The following MEF2C variants were observed in gnomAD, a reference collection of about 807,000 sequenced individuals.
MEF2C encodes the protein myocyte enhancer factor 2C, also known as myocyte-specific enhancer factor 2C.
A neutral mutation model predicts 50.5 loss-of-function variants in MEF2C; 6 were observed. That is an observed-to-expected ratio of 0.12 (90% CI 0.07 to 0.23). The LOEUF is 0.23. Ranked by LOEUF, MEF2C falls within the 10% of genes least tolerant of loss-of-function variation. The pLI is 1.00. For synonymous variants in MEF2C, 183 were observed against 228.0 expected (o/e 0.80, Z 1.78); for missense variants, 276 against 605.0 (o/e 0.46, Z 5.70).
intron 1 of MEF2C, among the ~76,000 whole-genome samples, chr5:88,857,058 G>A (rs1438614737): frequency 6.6e-6 from 1 of 152,200 alleles, no homozygotes; most frequent in Non-Finnish European, 1.5e-5. Context: ...GGATTGGGGG[G>A]CTGGGGGGCT....
At position 88,730,362 on chromosome 5, in the gene MEF2C, A is replaced by G. The variant is rs148472701; in HGVS notation, c.811-128T>C. 4.1e-3 allele frequency: 4,094 copies of G among 991,820 alleles called. 10 individuals carry two copies. The highest frequency in any genetic ancestry group is 5.4e-3 in the Non-Finnish European group (3,497 of 646,018). The allele number at this position is 991,820 out of a possible 1,614,324, so 61.4% of individuals were successfully genotyped here. On this transcript the variant is annotated intron_variant, in intron 7 of 10. Transcript: ENST00000504921. ...CAGTTTAAACAGTTTTAAAACCCAG[A>G]CTCCAAAGATAACTCCTTACAAAGA...
chr5:88,738,889 T>A, intron 6 of MEF2C: 1 of 985,280 alleles, frequency 1.0e-6, no homozygotes, highest in Non-Finnish European at 1.2e-6. Context: ...TAAATAAATA[T>A]TTACAAGTAG....
intron 3 of MEF2C, among the ~76,000 whole-genome samples, chr5:88,779,573 A>G (rs1786688933): frequency 1.3e-5 from 2 of 149,832 alleles, no homozygotes; most frequent in Non-Finnish European, 3.0e-5. Context: ...CTGCATGTAT[A>G]TGTGAATATA....
chr5:88,740,444 A>G (rs1487151337), intron 6 of MEF2C: 2 of 985,068 alleles, frequency 2.0e-6, no homozygotes, highest in Non-Finnish European at 2.4e-6. Context: ...ATTTGTCCTA[A>G]CTGTCATGCG....
chr5:88,862,714 G>A (rs1481961080), intron 1 of MEF2C, among the ~76,000 whole-genome samples: 1 of 152,136 alleles, frequency 6.6e-6, no homozygotes, highest in Non-Finnish European at 1.5e-5. Flanking sequence ...TGGGTTGCAG[G>A]GGAGGACCCG....
intron 1 of MEF2C, among the ~76,000 whole-genome samples, chr5:88,873,708 A>ATTTTTTTTTTTTT (rs199642010): frequency 1.1e-5 from 1 of 93,810 alleles, no homozygotes; most frequent in African/African-American, 4.4e-5. Flanking sequence ...GTCGTCACGG[A>ATTTTTTTTTTTTT]TTTTTTTTTT....
chr5:88,765,736 T>C (rs1779765745), intron 3 of MEF2C, among the ~76,000 whole-genome samples: 1 of 152,220 alleles, frequency 6.6e-6, no homozygotes, highest in Non-Finnish European at 1.5e-5. Context: ...ATGTATATAC[T>C]GTCTCTCAGC....
At chr5:88,851,395 T>TG (rs1281771189) in intron 1 of MEF2C, among the ~76,000 whole-genome samples, 2 of 152,112 alleles carry the variant, frequency 1.3e-5, no homozygotes, top group African/African-American at 4.8e-5. Context: ...TTCAACTGCA[T>TG]GGGGGGTCAG....
At chr5:88,853,099 T>C (rs1821990911) in intron 1 of MEF2C, among the ~76,000 whole-genome samples, 2 of 152,106 alleles carry the variant, frequency 1.3e-5, no homozygotes, top group Admixed American at 1.3e-4. Context: ...TGGCCTGTGC[T>C]TGTAGTCCCA....
intron 1 of MEF2C, among the ~76,000 whole-genome samples, chr5:88,831,884 G>T (rs1254065442): frequency 6.6e-6 from 1 of 152,056 alleles, no homozygotes; most frequent in Non-Finnish European, 1.5e-5. Flanking sequence ...CTTATAAGGA[G>T]AATTAAATCT....
intron 1 of MEF2C, among the ~76,000 whole-genome samples, chr5:88,833,043 A>T (rs1195161172): frequency 6.6e-6 from 1 of 152,202 alleles, no homozygotes; most frequent in Non-Finnish European, 1.5e-5. Flanking sequence ...TGTTAACTGC[A>T]AAGAAAAATG....
rs1004203298 is a variant in MEF2C at position 88,726,674 on chromosome 5, G to C, written c.1100+1819C>G. 3.3e-5 allele frequency among the ~76,000 whole-genome samples: 5 copies of C among 152,244 alleles called. No individual in the cohort carries two copies. In the South Asian group the frequency reaches 1.0e-3, roughly 32 times the overall value. ...CGAAATTAAGTGTTGAAAGGAACCG[G>C]GAGCTGAACAAAATGCTTAACCTTT... On this transcript the variant is annotated intron_variant, in intron 10 of 10. Transcript: ENST00000504921.
intron 1 of MEF2C, among the ~76,000 whole-genome samples, chr5:88,889,779 T>C (rs550835198): frequency 6.6e-6 from 1 of 152,040 alleles, no homozygotes; most frequent in African/African-American, 2.4e-5. Flanking sequence ...GCCGGGGTAG[T>C]TGTCCTGCTG....
At chr5:88,804,387 T>C (rs943423213) in intron 3 of MEF2C, 1 of 523,850 alleles carries the variant, frequency 1.9e-6, no homozygotes, top group South Asian at 3.1e-5. Context: ...AGACCAGATC[T>C]TACATGGTCT....
intron 1 of MEF2C, among the ~76,000 whole-genome samples, chr5:88,858,289 G>A (rs1342511701): frequency 1.3e-5 from 2 of 152,050 alleles, no homozygotes; most frequent in Non-Finnish European, 2.9e-5. Flanking sequence ...TCTCATATAG[G>A]AATTCATGTG....
chr5:88,729,581 A>G, intron 8 of MEF2C: 1 of 484,808 alleles, frequency 2.1e-6, no homozygotes, highest in Non-Finnish European at 3.7e-6. Context: ...CTGAACTAGT[A>G]ACAAGTACCA....
chr5:88,743,889 T>A lies in MEF2C; in HGVS notation c.637+5181A>T, dbSNP rs1328583322. 5 of 931,052 alleles carry A rather than the reference T, an allele frequency of 5.4e-6. No individual in the cohort carries two copies. The African/African-American group carries it at 8.9e-5, about 17-fold the overall frequency. 57.7% of individuals were successfully genotyped at this position (931,052 alleles called of 1,614,324 possible). A position where few individuals can be genotyped will look rare whatever the true frequency, so the allele number is the denominator to read the frequency against. On this transcript the variant is annotated intron_variant, in intron 6 of 10. Transcript: ENST00000504921. ...TTAGTTTCTTTTTTATAAAATTATA[T>A]CTAATTTACAATAAATGCCAATTAA...
chr5:88,738,765 T>C, intron 6 of MEF2C: 1 of 985,384 alleles, frequency 1.0e-6, no homozygotes, highest in South Asian at 4.7e-5. Context: ...GAGGGACATG[T>C]TGTAAGGTCA....
At chr5:88,744,198 T>C in intron 6 of MEF2C, 1 of 866,984 alleles carries the variant, frequency 1.2e-6, no homozygotes, top group Non-Finnish European at 1.3e-6. Context: ...TTAAATCTAA[T>C]GACTACAAAC....
Sources: allele counts gnomAD v4.1 joint callset (sites outside exome capture counted in the v4.1 genomes callset), GRCh38; gene constraint gnomAD v4.1.1; transcripts MANE v1.5; gene names NCBI Gene and HGNC (gene_info 2026-07-23, HGNC 2026-07-21).